The following ETFBKMT variants were observed in gnomAD, a reference collection of about 807,000 sequenced individuals.
ETFBKMT encodes the protein electron transfer flavoprotein subunit beta lysine methyltransferase.
In ETFBKMT, 13 loss-of-function variants were observed where a neutral mutation model predicts 18.3. The observed-to-expected ratio is 0.71, with a 90% CI of 0.46 to 1.13. The LOEUF is 1.13. Ranked by LOEUF, ETFBKMT falls within the 50% of genes most tolerant of loss-of-function variation. The pLI is 0.00. For synonymous variants in ETFBKMT, 84 were observed against 107.9 expected, an observed-to-expected ratio of 0.78 and a Z score of 1.37; for missense variants, 293 against 306.2, an observed-to-expected ratio of 0.96 and a Z score of 0.32.
At chr12:31,652,931 G>A (rs985681313) in intron 1 of ETFBKMT, among the ~76,000 whole-genome samples, 4 of 152,346 alleles carry the variant, frequency 2.6e-5, no homozygotes, top group South Asian at 4.1e-4. Flanking sequence ...GTGCCAGGCC[G>A]GTCGCGGTGG....
chr12:31,659,083 G>A (rs1222828779), upstream of ETFBKMT: 1 of 152,160 alleles, frequency 6.6e-6, no homozygotes, highest in Non-Finnish European at 1.5e-5. Context: ...CAGATTTAAC[G>A]TTCCCTTATT....
intron 1 of ETFBKMT, among the ~76,000 whole-genome samples, chr12:31,651,964 T>C (rs920204903): frequency 6.6e-6 from 1 of 152,138 alleles, no homozygotes; most frequent in Non-Finnish European, 1.5e-5. Flanking sequence ...CATGTTCAAA[T>C]TGGAGGCTCC....
rs569372404 is a variant in ETFBKMT at position 31,661,970 on chromosome 12, G to A, written c.17G>A (p.Gly6Asp). The A allele has an allele frequency of 1.2e-6, 2 of 1,613,950 alleles. No individual in the cohort carries two copies. Among genetic ancestry groups the A allele is most frequent in the Admixed American group, 1.7e-5 (1 of 59,978 alleles). Residue 6 changes from glycine to aspartate, a missense_variant, in exon 2 of 4, where the codon GGT (glycine) becomes GAT (aspartate). Physicochemically the swap from Gly to Asp is moderately conservative, Grantham distance 94. Transcript: ENST00000357721. MALSLGWKAHRNHCGL... is the reference protein window; with the variant it reads MALSLDWKAHRNHCGL... The stretch of plus-strand genomic sequence containing the variant: ...AAAGGACTGATGGCTTTGAGTCTAG[G>A]TTGGAAAGCACACAGGAACCACTGT...
At chr12:31,656,315 AG>A (rs1219473651), upstream of ETFBKMT, among the ~76,000 whole-genome samples, 2 of 152,196 alleles carry the variant, frequency 1.3e-5, no homozygotes, top group African/African-American at 4.8e-5. Flanking sequence ...TAGCAGTGGC[AG>A]CTTTCTGTCT....
Position 31,662,087 on chromosome 12 carries a change from C to T in ETFBKMT, c.134C>T (p.Pro45Leu). 2 of 1,614,208 alleles carry T rather than the reference C, an allele frequency of 1.2e-6. No individual in the cohort carries two copies. Among genetic ancestry groups the T allele is most frequent in the Non-Finnish European group, 1.7e-6 (2 of 1,180,032 alleles). Reference sequence around the variant, plus strand: ...AGAGGAGCTGGAAGCTTTTTGGACCCTGAGATAAAGGCTTTCCTGGAGGAG... The same window carrying T: ...AGAGGAGCTGGAAGCTTTTTGGACCTTGAGATAAAGGCTTTCCTGGAGGAG... ...PWRGAGSFLD[P>L]EIKAFLEENT... The change falls in exon 2 of 4, where the codon CCT (proline) becomes CTT (leucine). Residue 45 changes from proline to leucine, a missense_variant. By Grantham distance (98) the Pro-to-Leu change is moderately conservative. Transcript: ENST00000357721.
chr12:31,648,803 T>C (rs531610126), intron 1 of ETFBKMT, among the ~76,000 whole-genome samples: 17 of 152,116 alleles, frequency 1.1e-4, no homozygotes, highest in South Asian at 2.1e-4. Flanking sequence ...CCTTGTGATC[T>C]GCCCACCTTG....
At chr12:31,658,092 G>A (rs1239921295), upstream of ETFBKMT, among the ~76,000 whole-genome samples, 2 of 152,154 alleles carry the variant, frequency 1.3e-5, no homozygotes, top group Non-Finnish European at 2.9e-5. Flanking sequence ...TAGCCTGTTC[G>A]TTCTGGTTTC....
In ETFBKMT at chr12:31,672,221, G is replaced by A; in HGVS notation, c.*4231G>A. On this transcript the variant is annotated 3_prime_UTR_variant, in exon 4 of 4. Coordinates refer to ENST00000357721, the MANE Select transcript of ETFBKMT (RefSeq NM_001135863.2). Reference sequence around the variant, plus strand: ...TAATTAAAAATAGTGTTAACATTAAGTAGAATGCAAATCTCTATAGATGGT... The same window carrying A: ...TAATTAAAAATAGTGTTAACATTAAATAGAATGCAAATCTCTATAGATGGT... The A allele has an allele frequency of 1.1e-6, 1 of 882,320 alleles. No individual in the cohort carries two copies. The allele number at this position is 882,320 out of a possible 1,614,324, so 54.7% of individuals were successfully genotyped here. A position where few individuals can be genotyped will look rare whatever the true frequency, so the allele number is the denominator to read the frequency against.
Position 31,671,873 on chromosome 12 carries a change from T to C in ETFBKMT, c.*3883T>C, listed in dbSNP as rs1338035858. On this transcript the variant is annotated 3_prime_UTR_variant, in exon 4 of 4. Transcript: ENST00000357721. ...CTCCAAGAAGGTAAGAGCCAGAAAATAGGAAGGTAACTATGCTTTTAGAAA... is the reference window on the plus strand; with the variant it reads ...CTCCAAGAAGGTAAGAGCCAGAAAACAGGAAGGTAACTATGCTTTTAGAAA... 1 of 153,514 alleles carries C rather than the reference T, an allele frequency of 6.5e-6. No homozygotes were observed. The highest frequency in any genetic ancestry group is 1.4e-5 in the Non-Finnish European group (1 of 68,990). 9.5% of individuals were successfully genotyped at this position (153,514 alleles called of 1,614,324 possible).
intron 2 of ETFBKMT, among the ~76,000 whole-genome samples, chr12:31,665,354 C>G (rs1362304132): frequency 6.6e-6 from 1 of 152,204 alleles, no homozygotes; most frequent in African/African-American, 2.4e-5. Context: ...TCTGCCACCT[C>G]TGCCCAGCTC....
chr12:31,666,207 C>T lies in ETFBKMT; in HGVS notation c.435C>T (p.Asp145=), dbSNP rs73303828. 2 of 1,613,066 alleles carry T rather than the reference C, an allele frequency of 1.2e-6. No homozygotes were observed. Among genetic ancestry groups the T allele is most frequent in the African/African-American group, 2.7e-5 (2 of 74,906 alleles). ...MSGASRILAN[D]IDPIAGMAIT... Reference sequence around the variant, plus strand: ...GGGCATCAAGGATCTTGGCCAATGACATAGACCCTAGTAAGGATTCATATT... The same window carrying T: ...GGGCATCAAGGATCTTGGCCAATGATATAGACCCTAGTAAGGATTCATATT... The change falls in exon 3 of 4, where the codon GAC becomes GAT. Residue 145 remains aspartate, a synonymous_variant. Transcript: ENST00000357721.
At chr12:31,658,811 T>G (rs1051312742), upstream of ETFBKMT, among the ~76,000 whole-genome samples, 9 of 151,656 alleles carry the variant, frequency 5.9e-5, no homozygotes, top group Admixed American at 3.9e-4. Flanking sequence ...CAGACTCGAG[T>G]GATATAGGCT....
At chr12:31,666,737 G>A (rs1333603849) in intron 3 of ETFBKMT, among the ~76,000 whole-genome samples, 10 of 150,978 alleles carry the variant, frequency 6.6e-5, no homozygotes, top group Non-Finnish European at 8.9e-5. Flanking sequence ...TGCAAGCTCC[G>A]CCTCCCGGGT....
In ETFBKMT at chr12:31,672,846, C is replaced by A; in HGVS notation, c.*4856C>A. On this transcript the variant is annotated 3_prime_UTR_variant, in exon 4 of 4. Transcript: ENST00000357721. ...AACCACCTTGGGAAGCTGCAACACA[C>A]CCAAAGGGTTAAAGGAGGTAGTAGT... 6.3e-6 allele frequency: 1 copy of A among 159,194 alleles called. No homozygotes were observed. The highest frequency in any genetic ancestry group is 1.4e-5 in the Non-Finnish European group (1 of 72,376). 9.9% of individuals were successfully genotyped at this position (159,194 alleles called of 1,614,324 possible).
At chr12:31,656,421 G>A (rs1951062585), upstream of ETFBKMT, among the ~76,000 whole-genome samples, 1 of 152,264 alleles carries the variant, frequency 6.6e-6, no homozygotes, top group South Asian at 2.1e-4. Context: ...AAAGAGGCAG[G>A]ATAGGTTAAG....
At chr12:31,651,443 C>T (rs750832920) in intron 1 of ETFBKMT, among the ~76,000 whole-genome samples, 1 of 151,984 alleles carries the variant, frequency 6.6e-6, no homozygotes, top group Non-Finnish European at 1.5e-5. Flanking sequence ...AATTCTCTAG[C>T]CTCAGCCTCC....
rs375155943 is a variant in ETFBKMT, at chr12:31,672,300, A to T, written c.*4310A>T. ...TCCTAGCATTGATCATCTTCAAAAA[A>T]GCATCAATAAACAGTCCATGTCACT... is the stretch of plus-strand genomic sequence containing the variant. On this transcript the variant is annotated 3_prime_UTR_variant, in exon 4 of 4. Transcript: ENST00000357721. 4.1e-5 allele frequency: 64 copies of T among 1,566,970 alleles called. No individual in the cohort carries two copies. In the African/African-American group the frequency reaches 7.4e-4, roughly 18 times the overall value.
At chr12:31,658,723 A>G (rs1345097747), upstream of ETFBKMT, among the ~76,000 whole-genome samples, 1 of 152,154 alleles carries the variant, frequency 6.6e-6, no homozygotes, top group Non-Finnish European at 1.5e-5. Context: ...GTCAGGTCAG[A>G]TGGTGAGTTA....
chr12:31,662,841 T>G (rs577378468), intron 2 of ETFBKMT, among the ~76,000 whole-genome samples: 16 of 152,288 alleles, frequency 1.1e-4, no homozygotes, highest in Admixed American at 7.2e-4. Flanking sequence ...AGATGGAAGC[T>G]AAACACCCAG....
Sources: gnomAD v4.1 joint callset for allele counts (sites outside exome capture counted in the v4.1 genomes callset) on GRCh38, gnomAD v4.1.1 for gene constraint, MANE v1.5 for transcripts, NCBI Gene and HGNC (gene_info 2026-07-23, HGNC 2026-07-21) for gene names.